The following MYT1L variants were observed in gnomAD, a reference collection of about 807,000 sequenced individuals.
MYT1L encodes myelin transcription factor 1 like, also known as myelin transcription factor 1-like protein.
In MYT1L, 12 loss-of-function variants were observed where a neutral mutation model predicts 126.7. The observed-to-expected ratio is 0.09, with a 90% CI of 0.06 to 0.15. The LOEUF is 0.15. Among genes scored for constraint, MYT1L ranks in the 10% least tolerant of loss-of-function variants. The pLI is 1.00. For missense variants in MYT1L, 979 were observed against 1,585.2 expected, an observed-to-expected ratio of 0.62 and a Z score of 6.49; for synonymous variants, 541 against 604.2, an observed-to-expected ratio of 0.90 and a Z score of 1.53.
chr2:2,269,302 T>C (rs574570191), intron 2 of MYT1L, among the ~76,000 whole-genome samples: 50 of 152,368 alleles, frequency 3.3e-4, no homozygotes, highest in African/African-American at 1.1e-3. Context: ...ATTCTCAGGC[T>C]GTGCGCTTCT....
intron 1 of MYT1L, among the ~76,000 whole-genome samples, chr2:2,308,929 A>G (rs1162988446): frequency 1.3e-5 from 2 of 151,416 alleles, no homozygotes; most frequent in East Asian, 3.9e-4. Flanking sequence ...CACCCCACCT[A>G]TACTTCAGTA....
intron 4 of MYT1L, among the ~76,000 whole-genome samples, chr2:2,028,676 T>C (rs540343016): frequency 9.2e-5 from 14 of 152,334 alleles, no homozygotes; most frequent in African/African-American, 3.1e-4. Context: ...AGACTTAGTA[T>C]TGGAGACATG....
At chr2:2,173,695 C>A (rs746170801) in intron 2 of MYT1L, among the ~76,000 whole-genome samples, 4 of 152,092 alleles carry the variant, frequency 2.6e-5, no homozygotes, top group Admixed American at 6.6e-5. Flanking sequence ...GAGGGTGATG[C>A]CTCAGTTAGG....
At position 1,979,105 on chromosome 2, in the gene MYT1L, T is replaced by G. The variant is rs2304007; in HGVS notation, c.152+60A>C. ...TGCTCACACAGTTCATCATCAGGAC[T>G]GGGTCCCCAAATAAGTCACTTTAGA... On this transcript the variant is annotated intron_variant, in intron 8 of 24. Transcript: ENST00000647738. The surrounding 1 kb of genome is among the most constrained non-coding windows in gnomAD (Gnocchi z 4.0). 0.18 allele frequency: 255,846 copies of G among 1,389,096 alleles called. 24,871 individuals carry two copies. Among genetic ancestry groups the G allele is most frequent in the African/African-American group, 0.32 (22,198 of 70,094 alleles). 86.0% of individuals were successfully genotyped at this position (1,389,096 alleles called of 1,614,324 possible). A position where few individuals can be genotyped will look rare whatever the true frequency, so the allele number is the denominator to read the frequency against.
chr2:1,986,448 T>C (rs1165303429), intron 5 of MYT1L, among the ~76,000 whole-genome samples: 1 of 152,120 alleles, frequency 6.6e-6, no homozygotes, highest in African/African-American at 2.4e-5. Context: ...CCAAGAAGGG[T>C]TTCCTCCCAT....
intron 3 of MYT1L, among the ~76,000 whole-genome samples, chr2:2,057,403 C>A (rs2069736990): frequency 6.6e-6 from 1 of 152,086 alleles, no homozygotes; most frequent in Admixed American, 6.5e-5. Flanking sequence ...GCCACACTCA[C>A]CCTTTTCCTG....
rs1484363260 is a variant in MYT1L, at chr2:1,801,471, AAC to A, written c.3276+223_3276+224del. 2.3e-5 allele frequency: 10 copies of A among 438,844 alleles called. No homozygotes were observed. The highest frequency in any genetic ancestry group is 3.6e-5 in the Non-Finnish European group (9 of 250,128). 27.2% of individuals were successfully genotyped at this position (438,844 alleles called of 1,614,324 possible). On this transcript the variant is annotated intron_variant, in intron 23 of 24. Transcript: ENST00000647738. The surrounding 1 kb of genome is among the most constrained non-coding windows in gnomAD (Gnocchi z 4.2). ...CAAATGCACTTTATTAAAAAACACA[AAC>A]ACACATGCAGACTGAAAACGAGAGA...
intron 3 of MYT1L, among the ~76,000 whole-genome samples, chr2:2,058,342 T>G (rs2069898135): frequency 6.6e-6 from 1 of 152,238 alleles, no homozygotes; most frequent in South Asian, 2.1e-4. Context: ...GAATATTTGA[T>G]TTCTAAGTAT....
intron 4 of MYT1L, among the ~76,000 whole-genome samples, chr2:2,052,303 C>A (rs1412442779): frequency 2.0e-5 from 3 of 152,144 alleles, no homozygotes; most frequent in African/African-American, 7.2e-5. Flanking sequence ...GGGTTAGCAA[C>A]TTAAACACAG....
intron 4 of MYT1L, among the ~76,000 whole-genome samples, chr2:2,002,772 G>C (rs2062525033): frequency 6.6e-6 from 1 of 152,146 alleles, no homozygotes; most frequent in Non-Finnish European, 1.5e-5. Context: ...GAGGTAACTG[G>C]ATCACGGGGG....
intron 8 of MYT1L, chr2:1,974,555 T>C (rs1400337042): frequency 6.6e-6 from 1 of 152,166 alleles, no homozygotes; most frequent in East Asian, 1.9e-4. Context: ...TTGTCATATT[T>C]GTTAGCTTCC....
intron 14 of MYT1L, among the ~76,000 whole-genome samples, chr2:1,901,699 C>T (rs2050360168): frequency 6.6e-6 from 1 of 152,158 alleles, no homozygotes. Flanking sequence ...TGTATGTGTA[C>T]TGTGATTTTA....
At chr2:2,020,320 A>G (rs1358596829) in intron 4 of MYT1L, among the ~76,000 whole-genome samples, 1 of 152,218 alleles carries the variant, frequency 6.6e-6, no homozygotes, top group Non-Finnish European at 1.5e-5. Context: ...TCTCTTTCTC[A>G]TGCACACATA....
intron 2 of MYT1L, among the ~76,000 whole-genome samples, chr2:2,189,515 T>G (rs1349794117): frequency 6.6e-6 from 1 of 152,146 alleles, no homozygotes; most frequent in Non-Finnish European, 1.5e-5. Flanking sequence ...AATAAATGTC[T>G]TTTTTATGGA....
At chr2:2,310,565 C>T (rs1200820157) in intron 1 of MYT1L, among the ~76,000 whole-genome samples, 1 of 152,128 alleles carries the variant, frequency 6.6e-6, no homozygotes, top group East Asian at 1.9e-4. Flanking sequence ...CTTCTATGAG[C>T]TTTTGTACTA....
At chr2:1,880,656 T>C (rs899898443) in intron 18 of MYT1L, among the ~76,000 whole-genome samples, 7 of 152,228 alleles carry the variant, frequency 4.6e-5, no homozygotes, top group Non-Finnish European at 1.0e-4. Flanking sequence ...GTATTGAATG[T>C]CAGGTGTGTG....
intron 13 of MYT1L, among the ~76,000 whole-genome samples, chr2:1,908,479 G>A (rs2051417719): frequency 6.6e-6 from 1 of 152,124 alleles, no homozygotes; most frequent in Non-Finnish European, 1.5e-5. Flanking sequence ...GGGCAGTGCA[G>A]TCACCTGGTG....
intron 23 of MYT1L, among the ~76,000 whole-genome samples, chr2:1,797,236 G>GA (rs2033741933): frequency 6.6e-6 from 1 of 152,176 alleles, no homozygotes; most frequent in South Asian, 2.1e-4. Flanking sequence ...TAGAGACTGG[G>GA]AAGGGACCGG....
chr2:2,194,138 G>C (rs958286827), intron 2 of MYT1L, among the ~76,000 whole-genome samples: 4 of 152,082 alleles, frequency 2.6e-5, no homozygotes, highest in African/African-American at 7.2e-5. Context: ...GAAGTGCAGT[G>C]GTGTGGTCAT....
Sources: allele counts gnomAD v4.1 joint callset (sites outside exome capture counted in the v4.1 genomes callset), GRCh38; gene constraint gnomAD v4.1.1; non-coding constraint Gnocchi (gnomAD v3.1); transcripts MANE v1.5; gene names NCBI Gene and HGNC (gene_info 2026-07-23, HGNC 2026-07-21).